Variants in CADPS2 observed in about 807,000 individuals in gnomAD.
CADPS2 encodes calcium-dependent secretion activator 2.
CADPS2 carries 93 observed loss-of-function variants against 172.5 expected under a neutral mutation model. That is an observed-to-expected ratio of 0.54 (90% CI 0.46 to 0.64). CADPS2 has a LOEUF of 0.64. Ranked by LOEUF, CADPS2 falls within the 30% of genes least tolerant of loss-of-function variation. CADPS2 has a pLI of 0.00. For synonymous variants in CADPS2, 546 were observed against 555.2 expected (o/e 0.98, Z 0.23); for missense variants, 1,420 against 1,565.9 (o/e 0.91, Z 1.57).
Position 122,831,915 on chromosome 7 carries a change from T to G in CADPS2, c.339+54084A>C, listed in dbSNP as rs538718986. On this transcript the variant is annotated intron_variant, in intron 1 of 29. Transcript: ENST00000449022. Reference sequence around the variant, plus strand: ...CACCAATCTAGAGAGAAAAAAACTATATTTCAATACTCCAAAGAGAAGAGT... The same window carrying G: ...CACCAATCTAGAGAGAAAAAAACTAGATTTCAATACTCCAAAGAGAAGAGT... 3.3e-5 allele frequency among the ~76,000 whole-genome samples: 5 copies of G among 152,294 alleles called. No homozygotes were observed. In the South Asian group the frequency reaches 1.0e-3, roughly 32 times the overall value.
Position 122,408,434 on chromosome 7 carries a change from A to AT in CADPS2, c.2590-739dup, listed in dbSNP as rs577757774. Among the ~76,000 whole-genome samples the AT allele has an allele frequency of 2.1e-3, 314 of 151,696 alleles. 10 individuals are homozygous for AT. The South Asian group carries it at 0.059, about 29-fold the overall frequency. On this transcript the variant is annotated intron_variant, in intron 19 of 29. Coordinates refer to ENST00000449022, the MANE Select transcript of CADPS2 (RefSeq NM_017954.11). ...TCAGCAGCCAGTCATCATTTCATTT[A>AT]TTTTTTTTGAGACAGGGCCTCACTC...
chr7:122,826,214 G>A (rs954333956), intron 1 of CADPS2, among the ~76,000 whole-genome samples: 1 of 152,172 alleles, frequency 6.6e-6, no homozygotes, highest in Non-Finnish European at 1.5e-5. Context: ...GAGTGATAAA[G>A]AGCCCCATCC....
chr7:122,403,488 AGTACG>A (rs1260265891), intron 20 of CADPS2, among the ~76,000 whole-genome samples: 1 of 152,212 alleles, frequency 6.6e-6, no homozygotes, highest in Non-Finnish European at 1.5e-5. Context: ...GTTTTGACTG[AGTACG>A]GTACAACAAA....
chr7:122,779,977 A>C (rs941592428), intron 1 of CADPS2, among the ~76,000 whole-genome samples: 9 of 152,074 alleles, frequency 5.9e-5, no homozygotes, highest in African/African-American at 2.2e-4. Flanking sequence ...AATGCTAAAA[A>C]ATTCCTCAAA....
intron 7 of CADPS2, among the ~76,000 whole-genome samples, chr7:122,561,091 C>G (rs1260658795): frequency 2.0e-5 from 3 of 152,136 alleles, no homozygotes; most frequent in African/African-American, 7.2e-5. Flanking sequence ...TCCTGTCCTA[C>G]TTAGTGAAAA....
intron 1 of CADPS2, among the ~76,000 whole-genome samples, chr7:122,782,526 A>G (rs919452084): frequency 6.6e-6 from 1 of 152,158 alleles, no homozygotes; most frequent in African/African-American, 2.4e-5. Flanking sequence ...TGGGAGAATC[A>G]TTTGAACCAG....
At chr7:122,469,117 AT>A (rs2055557979) in intron 14 of CADPS2, among the ~76,000 whole-genome samples, 2 of 152,194 alleles carry the variant, frequency 1.3e-5, no homozygotes, top group African/African-American at 2.4e-5. Flanking sequence ...GTTTTACAGA[AT>A]AAAAGTAACT....
At chr7:122,620,998 C>T in intron 5 of CADPS2, among the ~76,000 whole-genome samples, 1 of 152,114 alleles carries the variant, frequency 6.6e-6, no homozygotes, top group East Asian at 1.9e-4. Context: ...CCTCAACCTC[C>T]TGGGCTCAAG....
chr7:122,495,795 TA>T (rs1397837723), intron 9 of CADPS2, among the ~76,000 whole-genome samples: 1 of 152,222 alleles, frequency 6.6e-6, no homozygotes, highest in Non-Finnish European at 1.5e-5. Flanking sequence ...ATAATATTAA[TA>T]CATCTTTACC....
chr7:122,574,397 G>A (rs542800301), intron 7 of CADPS2, among the ~76,000 whole-genome samples: 1 of 126,200 alleles, frequency 7.9e-6, no homozygotes, highest in Non-Finnish European at 1.6e-5. Context: ...AGTGAGCCAC[G>A]ATTGTGCCAC....
intron 22 of CADPS2, among the ~76,000 whole-genome samples, chr7:122,390,552 G>A (rs2044244882): frequency 6.6e-6 from 1 of 151,966 alleles, no homozygotes; most frequent in South Asian, 2.1e-4. Flanking sequence ...TAATGGTAAA[G>A]GCAGAATTCT....
intron 1 of CADPS2, among the ~76,000 whole-genome samples, chr7:122,780,531 G>T (rs983261122): frequency 6.6e-6 from 1 of 152,096 alleles, no homozygotes; most frequent in East Asian, 1.9e-4. Context: ...TCAATAATCC[G>T]ATTTAGCCCA....
rs1467827013 is a variant in CADPS2, at chr7:122,698,863, A to C, written c.454-35294T>G. On this transcript the variant is annotated intron_variant, in intron 2 of 29. Coordinates refer to ENST00000449022, the MANE Select transcript of CADPS2 (RefSeq NM_017954.11). ...AACAAGCCAAAGAACACTGAACTTC[A>C]TAAGCCAGGAAGAGGCAGTGTTGTT... 11 of 1,611,512 alleles carry C rather than the reference A, an allele frequency of 6.8e-6. No homozygotes were observed. In the African/African-American group the frequency reaches 1.2e-4, roughly 18 times the overall value.
intron 1 of CADPS2, among the ~76,000 whole-genome samples, chr7:122,756,981 A>C (rs1339863431): frequency 6.6e-6 from 1 of 152,146 alleles, no homozygotes; most frequent in Non-Finnish European, 1.5e-5. Context: ...GCAGTATGAA[A>C]GGAACCACCA....
intron 2 of CADPS2, 76 bp from the exon 3 acceptor site, chr7:122,663,645 G>A: frequency 2.8e-6 from 3 of 1,056,156 alleles, no homozygotes; most frequent in Non-Finnish European, 4.1e-6. Context: ...CTTGCTTTCA[G>A]CAATCCAGCC....
At chr7:122,461,415 A>G (rs1243311567) in intron 14 of CADPS2, among the ~76,000 whole-genome samples, 1 of 152,218 alleles carries the variant, frequency 6.6e-6, no homozygotes, top group Non-Finnish European at 1.5e-5. Context: ...CAGGTAGATT[A>G]GAAATTCATA....
At chr7:122,803,364 A>G (rs1459696339) in intron 1 of CADPS2, among the ~76,000 whole-genome samples, 2 of 152,232 alleles carry the variant, frequency 1.3e-5, no homozygotes, top group Non-Finnish European at 2.9e-5. Flanking sequence ...AGGAACAAGA[A>G]CAAAACCTCC....
chr7:122,732,801 A>G (rs1358775968), intron 2 of CADPS2, among the ~76,000 whole-genome samples: 1 of 142,482 alleles, frequency 7.0e-6, no homozygotes, highest in South Asian at 2.1e-4. Context: ...TATACATTAT[A>G]TATTATATAC....
Position 122,325,516 on chromosome 7 carries a change from G to C in CADPS2, c.3678C>G (p.Leu1226=). The change falls in exon 29 of 30, where the codon CTC becomes CTG. Residue 1226 remains leucine, a synonymous_variant. Transcript: ENST00000449022. ...VWLTDRLDLQ[L]HIYQLKTLIK... is the part of the protein sequence containing the mutation. Reference sequence around the variant, plus strand: ...TGAGCGTCTTCAGCTGGTAAATATGGAGTTGGAGGTCTAATCTATCAGTCA... The same window carrying C: ...TGAGCGTCTTCAGCTGGTAAATATGCAGTTGGAGGTCTAATCTATCAGTCA... 6.2e-7 allele frequency: 1 copy of C among 1,611,266 alleles called. No homozygotes were observed. Among genetic ancestry groups the C allele is most frequent in the South Asian group, 1.1e-5 (1 of 90,424 alleles).
Sources: gnomAD v4.1 joint callset for allele counts (sites outside exome capture counted in the v4.1 genomes callset) on GRCh38, gnomAD v4.1.1 for gene constraint, MANE v1.5 for transcripts, NCBI Gene and HGNC (gene_info 2026-07-23, HGNC 2026-07-21) for gene names.